The following PHF2 variants were observed in gnomAD, a reference collection of about 807,000 sequenced individuals.
The protein encoded by PHF2 is lysine-specific demethylase PHF2.
A neutral mutation model predicts 120.5 loss-of-function variants in PHF2; 27 were observed. The observed-to-expected ratio is 0.22, with a 90% CI of 0.17 to 0.31. PHF2 has a LOEUF of 0.31. Ranked by LOEUF, PHF2 falls within the 10% of genes least tolerant of loss-of-function variation. The pLI, the probability that PHF2 is intolerant of heterozygous loss-of-function variation, is 1.00. For synonymous variants in PHF2, 568 were observed against 592.5 expected (o/e 0.96, Z 0.60); for missense variants, 1,024 against 1,434.8 (o/e 0.71, Z 4.63).
intron 14 of PHF2, 97 bp from the exon 15 acceptor site, chr9:93,665,589 C>A: frequency 7.3e-7 from 1 of 1,360,952 alleles, no homozygotes; most frequent in Non-Finnish European, 1.0e-6. Context: ...GGAGGCCATC[C>A]TGCCGCGGCC....
chr9:93,665,520 A>C (rs545438896), intron 14 of PHF2, among the ~76,000 whole-genome samples, 166 bp from the exon 15 acceptor site: 3 of 152,194 alleles, frequency 2.0e-5, no homozygotes, highest in Admixed American at 6.5e-5. Flanking sequence ...TCCCATCTCA[A>C]CTGGGCCTGA....
intron 1 of PHF2, among the ~76,000 whole-genome samples, chr9:93,598,522 A>C (rs376783252): frequency 9.2e-5 from 14 of 152,244 alleles, no homozygotes; most frequent in Middle Eastern, 3.4e-3. Context: ...GGTTGTGTCC[A>C]TGATAGTCCT....
intron 4 of PHF2, among the ~76,000 whole-genome samples, chr9:93,646,634 T>C (rs1331007765): frequency 1.3e-5 from 2 of 152,238 alleles, no homozygotes; most frequent in East Asian, 3.9e-4. Flanking sequence ...GGGTGTGTGC[T>C]GGAGGTGAAA....
Position 93,623,813 on chromosome 9 carries a change from A to G in PHF2, c.99-6157A>G, listed in dbSNP as rs140033899. Among the ~76,000 whole-genome samples, 646 of 152,342 alleles carry G rather than the reference A, an allele frequency of 4.2e-3. 10 individuals are homozygous for G. The highest frequency in any genetic ancestry group is 0.014 in the African/African-American group (590 of 41,576). On this transcript the variant is annotated intron_variant, in intron 1 of 21. Transcript: ENST00000359246. ...TTATATTTTCAAAAACAATTTGCCA[A>G]GATCTTTTTCTGGGCTTCATGCTCT... is the stretch of plus-strand genomic sequence containing the variant.
intron 1 of PHF2, among the ~76,000 whole-genome samples, chr9:93,590,384 T>C (rs77939363): frequency 0.016 from 2,425 of 152,294 alleles, 68 homozygotes; most frequent in African/African-American, 0.056. Context: ...CGCCCCACTT[T>C]GATGGGCTGG....
intron 14 of PHF2, among the ~76,000 whole-genome samples, chr9:93,664,454 C>T (rs1033889435): frequency 2.0e-5 from 3 of 152,174 alleles, no homozygotes; most frequent in Non-Finnish European, 4.4e-5. Flanking sequence ...CAGGCCTGGC[C>T]GGAGTCAGAC....
intron 1 of PHF2, 91 bp from the exon 2 acceptor site, chr9:93,629,879 T>A: frequency 8.0e-7 from 1 of 1,255,426 alleles, no homozygotes; most frequent in East Asian, 2.3e-5. Flanking sequence ...TCCCAGACAA[T>A]GAGCAGGGAT....
At chr9:93,638,704 T>C (rs1049007318) in intron 3 of PHF2, among the ~76,000 whole-genome samples, 7 of 152,190 alleles carry the variant, frequency 4.6e-5, no homozygotes, top group African/African-American at 1.7e-4. Context: ...TCAGGAAGTA[T>C]AAGTCTTCCA....
intron 4 of PHF2, among the ~76,000 whole-genome samples, chr9:93,647,216 G>A (rs1383264546): frequency 3.9e-5 from 6 of 152,070 alleles, no homozygotes; most frequent in African/African-American, 1.4e-4. Context: ...ATATAGTGAG[G>A]GCCTGCCTAG....
chr9:93,607,335 G>C (rs1324054856), intron 1 of PHF2, among the ~76,000 whole-genome samples: 2 of 150,910 alleles, frequency 1.3e-5, no homozygotes, highest in South Asian at 4.2e-4. Flanking sequence ...GCAGTGGTGT[G>C]ATCTCGGCTC....
chr9:93,599,411 C>T (rs906825298), intron 1 of PHF2, among the ~76,000 whole-genome samples: 1 of 152,180 alleles, frequency 6.6e-6, no homozygotes, highest in African/African-American at 2.4e-5. Flanking sequence ...CCAGCAAGCC[C>T]AAGAAGTGGG....
At chr9:93,625,249 T>C (rs73522247) in intron 1 of PHF2, among the ~76,000 whole-genome samples, 21,099 of 152,224 alleles carry the variant, frequency 0.14, 1,686 homozygotes, top group African/African-American at 0.22. Flanking sequence ...TCATGTGTCA[T>C]GCTTCTTTCA....
intron 16 of PHF2, among the ~76,000 whole-genome samples, chr9:93,666,790 C>T (rs758379936): frequency 6.6e-6 from 1 of 152,020 alleles, no homozygotes; most frequent in Non-Finnish European, 1.5e-5. Context: ...ATTAGCCGAG[C>T]GAGTGAGCCT....
chr9:93,633,862 G>A (rs952721341), intron 2 of PHF2, among the ~76,000 whole-genome samples: 2 of 152,136 alleles, frequency 1.3e-5, no homozygotes, highest in South Asian at 2.1e-4. Flanking sequence ...CCCCTCCGTG[G>A]CACCCTGTCT....
chr9:93,608,857 C>T (rs1825588242), intron 1 of PHF2, among the ~76,000 whole-genome samples: 1 of 151,580 alleles, frequency 6.6e-6, no homozygotes, highest in South Asian at 2.1e-4. Flanking sequence ...ACAGTGTCTG[C>T]TTTTTAGTTG....
intron 12 of PHF2, among the ~76,000 whole-genome samples, chr9:93,661,675 A>T (rs927731218): frequency 1.3e-5 from 2 of 151,732 alleles, no homozygotes; most frequent in African/African-American, 4.9e-5. Context: ...TAATGAATGA[A>T]TGGGTAGATG....
chr9:93,636,595 CGCTATCCATTGCTGGGGGCTTCCTTT>C, intron 3 of PHF2, 70 bp downstream of exon 3: 1 of 1,113,598 alleles, frequency 9.0e-7, no homozygotes, highest in East Asian at 2.6e-5. Context: ...TCCCTTGTCC[CGCTATCCATTGCTGGGGGCTTCCTTT>C]GCTATCCTTG....
intron 1 of PHF2, among the ~76,000 whole-genome samples, chr9:93,594,684 G>T (rs550932408): frequency 6.6e-6 from 1 of 152,286 alleles, no homozygotes; most frequent in South Asian, 2.1e-4. Flanking sequence ...AGCACATTGG[G>T]ACCTTGTGCC....
rs747191048 is a variant in PHF2, at chr9:93,654,618, G to T, written c.952+43G>T. 3.8e-6 allele frequency: 6 copies of T among 1,585,656 alleles called. No individual in the cohort carries two copies. In the East Asian group the frequency reaches 1.3e-4, roughly 36 times the overall value. On this transcript the variant is annotated intron_variant, in intron 7 of 21. Coordinates refer to ENST00000359246, the MANE Select transcript of PHF2 (RefSeq NM_005392.4). ...TGGGGACCATGTACTAGGGCTTGCC[G>T]GCCCTCATCAAGCTTACTGCCCTGT... is the stretch of plus-strand genomic sequence containing the variant.
Sources: gnomAD v4.1 joint callset for allele counts (sites outside exome capture counted in the v4.1 genomes callset) on GRCh38, gnomAD v4.1.1 for gene constraint, MANE v1.5 for transcripts, NCBI Gene and HGNC (gene_info 2026-07-23, HGNC 2026-07-21) for gene names.